The following HMCN1 variants were observed in gnomAD, a reference collection of about 807,000 sequenced individuals.
HMCN1 encodes hemicentin 1.
Under a neutral mutation model 625.9 loss-of-function variants are expected in HMCN1, and 321 were observed. The ratio of observed to expected loss-of-function variants is 0.51; its 90% confidence interval spans 0.47 to 0.56. The LOEUF is 0.56. Ranked by LOEUF, HMCN1 falls within the 20% of genes least tolerant of loss-of-function variation. The pLI, the probability that HMCN1 is intolerant of heterozygous loss-of-function variation, is 0.00. For missense variants in HMCN1, 6,588 were observed against 6,887.3 expected (o/e 0.96, Z 1.54); for synonymous variants, 2,425 against 2,417.6 (o/e 1.00, Z -0.09).
intron 100 of HMCN1, among the ~76,000 whole-genome samples, chr1:186,167,261 A>G (rs1269997637): frequency 6.6e-6 from 1 of 152,224 alleles, no homozygotes; most frequent in Non-Finnish European, 1.5e-5. Context: ...GCACAGTCCA[A>G]TAAAATCTAT....
At chr1:186,155,164 C>T (rs1273082516) in intron 97 of HMCN1, among the ~76,000 whole-genome samples, 5 of 152,186 alleles carry the variant, frequency 3.3e-5, no homozygotes, top group African/African-American at 1.2e-4. Context: ...ACTCTTGCTT[C>T]CATCAGTCAT....
intron 36 of HMCN1, among the ~76,000 whole-genome samples, chr1:186,029,116 T>C (rs1386487432): frequency 6.6e-6 from 1 of 152,186 alleles, no homozygotes; most frequent in South Asian, 2.1e-4. Context: ...ATTTGCTAAG[T>C]CTGGCTGTGA....
At chr1:185,987,366 C>T in intron 19 of HMCN1, 66 bp from the exon 20 acceptor site, 2 of 976,158 alleles carry the variant, frequency 2.0e-6, no homozygotes, top group African/African-American at 1.6e-5. Flanking sequence ...AAATGTTCAA[C>T]TTTAAATAGA....
At chr1:186,157,269 A>G (rs1558266678) in intron 97 of HMCN1, among the ~76,000 whole-genome samples, 1 of 152,226 alleles carries the variant, frequency 6.6e-6, no homozygotes, top group Non-Finnish European at 1.5e-5. Flanking sequence ...TTACTATCAT[A>G]CATTATAAGC....
intron 36 of HMCN1, among the ~76,000 whole-genome samples, chr1:186,035,275 T>C (rs1056328454): frequency 2.6e-5 from 4 of 152,092 alleles, no homozygotes; most frequent in Admixed American, 1.3e-4. Flanking sequence ...TTAAGAGTGA[T>C]AGAGGGGTGG....
chr1:185,917,049 T>G (rs990443119), intron 6 of HMCN1, among the ~76,000 whole-genome samples: 2 of 152,198 alleles, frequency 1.3e-5, no homozygotes, highest in South Asian at 4.1e-4. Context: ...AGCTAGCTCA[T>G]AATGACTCAT....
intron 1 of HMCN1, among the ~76,000 whole-genome samples, chr1:185,791,518 G>C (rs1253327278): frequency 6.6e-6 from 1 of 151,884 alleles, no homozygotes; most frequent in Non-Finnish European, 1.5e-5. Context: ...CCAGGAGTTC[G>C]AGACCAGCCA....
Position 185,960,188 on chromosome 1 carries a change from G to C in HMCN1, c.1829-2330G>C, listed in dbSNP as rs537772479. ...TTGTTCTCCAGGCTGGAGCTCAGTG[G>C]TGTGATCTTGGCTCACTGCAACCTC... On this transcript the variant is annotated intron_variant, in intron 11 of 106. Coordinates refer to ENST00000271588, the MANE Select transcript of HMCN1 (RefSeq NM_031935.3). Among the ~76,000 whole-genome samples, 23 of 148,210 alleles carry C rather than the reference G, an allele frequency of 1.6e-4. No homozygotes were observed. The Middle Eastern group carries it at 0.01, about 67-fold the overall frequency.
intron 75 of HMCN1, 147 bp from the exon 76 acceptor site, chr1:186,116,847 A>G (rs1661158176): frequency 1.3e-6 from 1 of 783,988 alleles, no homozygotes; most frequent in Non-Finnish European, 2.1e-6. Context: ...TAATGCATAA[A>G]GTTGGCCTCA....
At position 186,101,017 on chromosome 1, in the gene HMCN1, T is replaced by C. The variant is rs571580978; in HGVS notation, c.10574-2455T>C. On this transcript the variant is annotated intron_variant, in intron 68 of 106. Coordinates refer to ENST00000271588, the MANE Select transcript of HMCN1 (RefSeq NM_031935.3). The stretch of plus-strand genomic sequence containing the variant: ...ACCTACATCTCATTGGTCAGAATTG[T>C]CATATACCACTCCATCCACTCCATC... 2.5e-4 allele frequency among the ~76,000 whole-genome samples: 38 copies of C among 152,218 alleles called. No homozygotes were observed. In the South Asian group the frequency reaches 7.9e-3, roughly 32 times the overall value.
intron 11 of HMCN1, among the ~76,000 whole-genome samples, chr1:185,960,124 C>CTTTTTTTT (rs1167408279): frequency 4.6e-5 from 5 of 108,922 alleles, no homozygotes; most frequent in Non-Finnish European, 5.7e-5. Context: ...CAGGAATATT[C>CTTTTTTTT]TTTTTTTTTT....
Position 186,115,423 on chromosome 1 carries a change from A to G in HMCN1, c.11561+9A>G, listed in dbSNP as rs756791756. On this transcript the variant is annotated intron_variant, in intron 75 of 106. Transcript: ENST00000271588. ...AATCAGAACTCATACAGGTAAGGAT[A>G]ATTTAAAACTCCTACCAACTATTTA... The G allele has an allele frequency of 6.2e-7, 1 of 1,609,930 alleles. No homozygotes were observed. Among genetic ancestry groups the G allele is most frequent in the Non-Finnish European group, 8.5e-7 (1 of 1,177,140 alleles).
intron 58 of HMCN1, among the ~76,000 whole-genome samples, chr1:186,086,999 A>G (rs967987255): frequency 1.3e-5 from 2 of 152,110 alleles, no homozygotes; most frequent in African/African-American, 4.8e-5. Context: ...GATGCTGGAG[A>G]GAAAAATTCT....
Position 186,123,168 on chromosome 1 carries a change from G to C in HMCN1, c.12447G>C (p.Met4149Ile). 1 of 1,613,954 alleles carries C rather than the reference G, an allele frequency of 6.2e-7. No homozygotes were observed. Among genetic ancestry groups the C allele is most frequent in the Non-Finnish European group, 8.5e-7 (1 of 1,179,954 alleles). Reference sequence around the variant, plus strand: ...GTGATGCTGGCCATTACACGTGCATGGCAGCCAATGTAGCAGGATCAAGCA... The same window carrying C: ...GTGATGCTGGCCATTACACGTGCATCGCAGCCAATGTAGCAGGATCAAGCA... Reference protein sequence around the residue: ...QPGDAGHYTCMAANVAGSSST... With the variant: ...QPGDAGHYTCIAANVAGSSST... Residue 4149 changes from methionine to isoleucine, a missense_variant, in exon 81 of 107, where the codon ATG (methionine) becomes ATC (isoleucine). Met to Ile is a conservative substitution (Grantham distance 10). Coordinates refer to ENST00000271588, the MANE Select transcript of HMCN1 (RefSeq NM_031935.3).
chr1:186,096,284 A>C (rs1660135241), intron 68 of HMCN1, among the ~76,000 whole-genome samples: 1 of 152,114 alleles, frequency 6.6e-6, no homozygotes, highest in South Asian at 2.1e-4. Context: ...CAACTATTAA[A>C]ATTTATTCAT....
chr1:185,877,371 TG>T (rs1664019891), intron 4 of HMCN1, among the ~76,000 whole-genome samples: 1 of 145,822 alleles, frequency 6.9e-6, no homozygotes, highest in South Asian at 2.3e-4. Flanking sequence ...ATGCTCGCCT[TG>T]TTGTATAATT....
chr1:186,094,377 T>A lies in HMCN1; in HGVS notation c.10294+4T>A. On this transcript the variant is annotated splice_donor_region_variant and intron_variant, in intron 67 of 106. Coordinates refer to ENST00000271588, the MANE Select transcript of HMCN1 (RefSeq NM_031935.3). Reference sequence around the variant, plus strand: ...CATTACAATCTTCAAGTGTTTGGTATGTGTCACAGAAATGACCCTATTACT... The same window carrying A: ...CATTACAATCTTCAAGTGTTTGGTAAGTGTCACAGAAATGACCCTATTACT... 6.2e-7 allele frequency: 1 copy of A among 1,606,400 alleles called. No individual in the cohort carries two copies. The highest frequency in any genetic ancestry group is 8.5e-7 in the Non-Finnish European group (1 of 1,173,366).
At chr1:185,865,622 C>CACACACAT (rs1663133662) in intron 3 of HMCN1, 119 bp from the exon 4 acceptor site, 1 of 716,918 alleles carries the variant, frequency 1.4e-6, no homozygotes, top group South Asian at 1.5e-5. Context: ...CACACACACA[C>CACACACAT]ACACACACAT....
intron 1 of HMCN1, among the ~76,000 whole-genome samples, chr1:185,792,831 A>G (rs919609790): frequency 2.0e-5 from 3 of 152,212 alleles, no homozygotes; most frequent in African/African-American, 7.2e-5. Flanking sequence ...CCCATGTGTT[A>G]CAGCAAACTA....
Sources: gnomAD v4.1 joint callset for allele counts (sites outside exome capture counted in the v4.1 genomes callset) on GRCh38, gnomAD v4.1.1 for gene constraint, MANE v1.5 for transcripts, NCBI Gene and HGNC (gene_info 2026-07-23, HGNC 2026-07-21) for gene names.